The following SMAD5 variants were observed in gnomAD, a reference collection of about 807,000 sequenced individuals.
The protein encoded by SMAD5 is SMAD family member 5.
SMAD5 carries 9 observed loss-of-function variants against 43.1 expected under a neutral mutation model. The observed-to-expected ratio is 0.21, with a 90% CI of 0.13 to 0.36. SMAD5 has a LOEUF of 0.36. Ranked by LOEUF, SMAD5 falls within the 10% of genes least tolerant of loss-of-function variation. The pLI, the probability that SMAD5 is intolerant of heterozygous loss-of-function variation, is 1.00. For synonymous variants in SMAD5, 190 were observed against 192.4 expected (o/e 0.99, Z 0.10); for missense variants, 348 against 574.0 (o/e 0.61, Z 4.02).
At chr5:136,145,574 T>TA (rs569701144) in intron 1 of SMAD5, among the ~76,000 whole-genome samples, 126 of 152,106 alleles carry the variant, frequency 8.3e-4, no homozygotes, top group African/African-American at 3.0e-3. Flanking sequence ...TGCGGACTCT[T>TA]AAAGTACATG....
intron 3 of SMAD5, among the ~76,000 whole-genome samples, chr5:136,158,400 G>T (rs1753712198): frequency 6.6e-6 from 1 of 152,130 alleles, no homozygotes; most frequent in Admixed American, 6.5e-5. Context: ...AAATTCAGAA[G>T]GAAATGTTAT....
chr5:136,172,295 A>G (rs572618889), intron 5 of SMAD5, 139 bp from the exon 6 acceptor site: 24 of 585,150 alleles, frequency 4.1e-5, no homozygotes, highest in Non-Finnish European at 7.0e-5. Context: ...ATTCACAGCT[A>G]GGAAGGACAG....
intron 2 of SMAD5, among the ~76,000 whole-genome samples, 188 bp from the exon 3 acceptor site, chr5:136,153,404 A>T (rs555834836): frequency 6.6e-6 from 1 of 152,264 alleles, no homozygotes; most frequent in South Asian, 2.1e-4. Context: ...CCAGTGTCTT[A>T]CTTGTTCATA....
At chr5:136,164,528 AT>A (rs1437923521) in intron 5 of SMAD5, among the ~76,000 whole-genome samples, 1 of 152,178 alleles carries the variant, frequency 6.6e-6, no homozygotes, top group Non-Finnish European at 1.5e-5. Flanking sequence ...GGCCATTTAT[AT>A]ATCTTCTTTG....
intron 1 of SMAD5, among the ~76,000 whole-genome samples, chr5:136,143,277 T>A (rs1753146068): frequency 1.3e-5 from 2 of 151,956 alleles, no homozygotes; most frequent in South Asian, 2.1e-4. Context: ...TTTTTTTTTT[T>A]TTTATTTAAT....
chr5:136,168,557 A>G (rs1297933612), intron 5 of SMAD5, among the ~76,000 whole-genome samples: 1 of 152,192 alleles, frequency 6.6e-6, no homozygotes, highest in Non-Finnish European at 1.5e-5. Flanking sequence ...AGAGTGGGAC[A>G]TTTGTTATAG....
At chr5:136,137,017 A>ATTTTT (rs60239443) in intron 1 of SMAD5, among the ~76,000 whole-genome samples, 2 of 109,012 alleles carry the variant, frequency 1.8e-5, no homozygotes, top group Admixed American at 9.4e-5. Context: ...TTTAGTTTTG[A>ATTTTT]TTTTTTTTTT....
chr5:136,151,016 A>G (rs1464819005), intron 2 of SMAD5, among the ~76,000 whole-genome samples: 3 of 151,992 alleles, frequency 2.0e-5, no homozygotes, highest in Non-Finnish European at 4.4e-5. Flanking sequence ...ATTTCCAGGC[A>G]TATTTTTATT....
intron 3 of SMAD5, among the ~76,000 whole-genome samples, chr5:136,157,456 C>T (rs1467909139): frequency 6.6e-6 from 1 of 152,074 alleles, no homozygotes; most frequent in Non-Finnish European, 1.5e-5. Context: ...CACTTTATTT[C>T]TATTATTACA....
chr5:136,182,008 A>T lies in SMAD5; in HGVS notation c.*4528A>T, dbSNP rs1023744505. ...CTTCGATCATTCATGGCAGAGTGAA[A>T]AAGGTTTGTATGGTTCTTGTCCAAA... On this transcript the variant is annotated 3_prime_UTR_variant, in exon 8 of 8. Transcript: ENST00000545279. The T allele has an allele frequency of 2.4e-4, 37 of 152,208 alleles. No homozygotes were observed. Among genetic ancestry groups the T allele is most frequent in the African/African-American group, 8.7e-4 (36 of 41,458 alleles). 9.4% of individuals were successfully genotyped at this position (152,208 alleles called of 1,614,324 possible).
Position 136,180,751 on chromosome 5 carries a change from GA to G in SMAD5, c.*3274del, listed in dbSNP as rs1191490106. On this transcript the variant is annotated 3_prime_UTR_variant, in exon 8 of 8. Transcript: ENST00000545279. ...ATAGAATTGGTTGGGTTTCTGAGGT[GA>G]AATCCAGAGTAAGAGTACTAGACAG... The G allele has an allele frequency of 6.6e-6, 1 of 152,122 alleles. No individual in the cohort carries two copies. Among genetic ancestry groups the G allele is most frequent in the Non-Finnish European group, 1.5e-5 (1 of 67,968 alleles). 9.4% of individuals were successfully genotyped at this position (152,122 alleles called of 1,614,324 possible). A position where few individuals can be genotyped will look rare whatever the true frequency, so the allele number is the denominator to read the frequency against.
intron 5 of SMAD5, among the ~76,000 whole-genome samples, chr5:136,165,938 C>G (rs1259572848): frequency 6.6e-6 from 1 of 151,608 alleles, no homozygotes; most frequent in Non-Finnish European, 1.5e-5. Context: ...TGAGTATATA[C>G]CAGAAGTACA....
chr5:136,136,725 C>T (rs936605479), intron 1 of SMAD5, among the ~76,000 whole-genome samples: 1 of 152,088 alleles, frequency 6.6e-6, no homozygotes, highest in African/African-American at 2.4e-5. Flanking sequence ...TTGAGAGTGT[C>T]TCTCTCTGTC....
chr5:136,144,756 G>T (rs1247112718), intron 1 of SMAD5, among the ~76,000 whole-genome samples: 1 of 151,896 alleles, frequency 6.6e-6, no homozygotes, highest in East Asian at 1.9e-4. Context: ...TTTCACCTAT[G>T]TGGACTGTCA....
At chr5:136,148,343 C>G (rs1246792779) in intron 2 of SMAD5, among the ~76,000 whole-genome samples, 1 of 151,226 alleles carries the variant, frequency 6.6e-6, no homozygotes, top group East Asian at 1.9e-4. Context: ...GTTACTCTTA[C>G]CCTCCTCCCG....
chr5:136,134,940 C>T (rs571789711), intron 1 of SMAD5: 3 of 152,202 alleles, frequency 2.0e-5, no homozygotes, highest in African/African-American at 7.2e-5. Context: ...ACTGACTTTA[C>T]TCTCAGGTTT....
chr5:136,154,824 T>C (rs1176118292), intron 3 of SMAD5, among the ~76,000 whole-genome samples: 1 of 152,152 alleles, frequency 6.6e-6, no homozygotes, highest in African/African-American at 2.4e-5. Flanking sequence ...TTGAGTCTTA[T>C]CTTACTGTCC....
At chr5:136,166,041 A>G (rs1450252766) in intron 5 of SMAD5, among the ~76,000 whole-genome samples, 3 of 152,106 alleles carry the variant, frequency 2.0e-5, no homozygotes, top group Non-Finnish European at 4.4e-5. Flanking sequence ...ATTCTCAGCA[A>G]CAGTGCACAC....
At chr5:136,140,086 G>T (rs889279185) in intron 1 of SMAD5, among the ~76,000 whole-genome samples, 1 of 147,430 alleles carries the variant, frequency 6.8e-6, no homozygotes, top group Admixed American at 6.8e-5. Flanking sequence ...GCAGTGGTAT[G>T]ATCTTGGCTC....
Sources: gnomAD v4.1 joint callset for allele counts (sites outside exome capture counted in the v4.1 genomes callset) on GRCh38, gnomAD v4.1.1 for gene constraint, MANE v1.5 for transcripts, NCBI Gene and HGNC (gene_info 2026-07-23, HGNC 2026-07-21) for gene names.